The following DZIP1L variants were observed in gnomAD, a reference collection of about 807,000 sequenced individuals.
DZIP1L encodes DAZ interacting zinc finger protein 1 like.
DZIP1L carries 90 observed loss-of-function variants against 88.7 expected under a neutral mutation model. That is an observed-to-expected ratio of 1.02 (90% confidence interval 0.86 to 1.21). The LOEUF (loss-of-function observed/expected upper bound fraction) is 1.21. Among genes scored for constraint, DZIP1L ranks in the 50% most tolerant of loss-of-function variants. The probability of loss-of-function intolerance (pLI) is 0.00; values close to 1 mark genes in which losing one functional copy is unlikely to be tolerated. For missense variants in DZIP1L, 932 were observed against 955.8 expected, an observed-to-expected ratio of 0.98 and a Z score of 0.33; for synonymous variants, 363 against 372.1, an observed-to-expected ratio of 0.98 and a Z score of 0.28.
chr3:138,111,644 T>C (rs947717831), intron 1 of DZIP1L, among the ~76,000 whole-genome samples: 1 of 152,188 alleles, frequency 6.6e-6, no homozygotes, highest in Non-Finnish European at 1.5e-5. Flanking sequence ...ATTACTCATG[T>C]CTTTTTCTAG....
At chr3:138,078,132 A>G (rs571474049) in intron 10 of DZIP1L, among the ~76,000 whole-genome samples, 1 of 152,340 alleles carries the variant, frequency 6.6e-6, no homozygotes, top group East Asian at 1.9e-4. Flanking sequence ...TAAGCCACAG[A>G]CTATACTTTA....
At chr3:138,074,846 T>C (rs1943331876) in intron 11 of DZIP1L, among the ~76,000 whole-genome samples, 3 of 151,876 alleles carry the variant, frequency 2.0e-5, no homozygotes, top group African/African-American at 7.3e-5. Context: ...ACTTAAAAGA[T>C]ACAGAATGGC....
At chr3:138,090,687 GA>G (rs1366029905) in intron 5 of DZIP1L, among the ~76,000 whole-genome samples, 2 of 151,614 alleles carry the variant, frequency 1.3e-5, no homozygotes, top group African/African-American at 2.4e-5. Flanking sequence ...ATTTCCTTTT[GA>G]AAAAAAATTT....
At chr3:138,113,463 G>GCAAT (rs2042648790) in intron 1 of DZIP1L, 1 of 152,192 alleles carries the variant, frequency 6.6e-6, no homozygotes. Context: ...TGGCTGCCAG[G>GCAAT]CAATCATTTA....
chr3:138,088,749 A>C lies in DZIP1L; in HGVS notation c.871-242T>G, dbSNP rs1016439888. On this transcript the variant is annotated intron_variant, in intron 5 of 15. Coordinates refer to ENST00000327532, the MANE Select transcript of DZIP1L (RefSeq NM_173543.3). ...CATGGAAGAACAAATTAAAGAGTGT[A>C]GTTTCCATTTCACTTAAATTCTGCT... The C allele has an allele frequency of 4.3e-6, 5 of 1,173,818 alleles. No individual in the cohort carries two copies. In the African/African-American group the frequency reaches 7.9e-5, roughly 19 times the overall value. The allele number at this position is 1,173,818 out of a possible 1,614,324, so 72.7% of individuals were successfully genotyped here. A position where few individuals can be genotyped will look rare whatever the true frequency, so the allele number is the denominator to read the frequency against.
chr3:138,103,384 C>A (rs1332703710), intron 2 of DZIP1L, 87 bp downstream of exon 2: 3 of 1,439,396 alleles, frequency 2.1e-6, no homozygotes, highest in Admixed American at 2.0e-5. Context: ...CCTTAAGGTC[C>A]CAGCAGTGCT....
Position 138,080,468 on chromosome 3 carries a change from G to A in DZIP1L, c.1288+99C>T, listed in dbSNP as rs376477728. 143 of 1,331,422 alleles carry A rather than the reference G, an allele frequency of 1.1e-4. 3 individuals carry two copies. In the South Asian group the frequency reaches 1.6e-3, roughly 15 times the overall value. The allele number at this position is 1,331,422 out of a possible 1,614,324, so 82.5% of individuals were successfully genotyped here. A position where few individuals can be genotyped will look rare whatever the true frequency, so the allele number is the denominator to read the frequency against. On this transcript the variant is annotated intron_variant, in intron 10 of 15. Coordinates refer to ENST00000327532, the MANE Select transcript of DZIP1L (RefSeq NM_173543.3). ...CCTTAGATCCCTCCACTCCAGCTTC[G>A]GATGTCCAGATACAGTTAAGTAGAG... is the stretch of plus-strand genomic sequence containing the variant.
At chr3:138,109,153 G>A (rs756676636) in intron 1 of DZIP1L, among the ~76,000 whole-genome samples, 1 of 152,200 alleles carries the variant, frequency 6.6e-6, no homozygotes, top group South Asian at 2.1e-4. Context: ...GCTTCCAAAA[G>A]TACCTCTCTA....
chr3:138,097,141 C>T (rs1944514940), intron 3 of DZIP1L, among the ~76,000 whole-genome samples: 1 of 151,132 alleles, frequency 6.6e-6, no homozygotes, highest in Admixed American at 6.6e-5. Flanking sequence ...GAGATCAAGC[C>T]ACTGCACTCC....
At chr3:138,111,039 T>C (rs1377392656) in intron 1 of DZIP1L, among the ~76,000 whole-genome samples, 1 of 152,140 alleles carries the variant, frequency 6.6e-6, no homozygotes, top group African/African-American at 2.4e-5. Flanking sequence ...GAAGGGCCCA[T>C]ACCAGGATGC....
Position 138,071,751 on chromosome 3 carries a change from A to G in DZIP1L, c.1507T>C (p.Ser503Pro), listed in dbSNP as rs1669361177. 1 of 1,614,184 alleles carries G rather than the reference A, an allele frequency of 6.2e-7. No homozygotes were observed. Among genetic ancestry groups the G allele is most frequent in the Non-Finnish European group, 8.5e-7 (1 of 1,180,036 alleles). Residue 503 changes from serine to proline, a missense_variant, in exon 12 of 16, where the codon TCT (serine) becomes CCT (proline). By Grantham distance (74) the Ser-to-Pro change is moderately conservative. Coordinates refer to ENST00000327532, the MANE Select transcript of DZIP1L (RefSeq NM_173543.3). ...TTTCCCCTCAGACTCAGAAATTCAGAAAACTTCCGGGCCTTCTGCTCCCGC... is the reference window on the plus strand; with the variant it reads ...TTTCCCCTCAGACTCAGAAATTCAGGAAACTTCCGGGCCTTCTGCTCCCGC... The part of the protein sequence containing the change: ...VQREQKARKF[S>P]EFLSLRGKLV...
At position 138,064,752 on chromosome 3, in the gene DZIP1L, G is replaced by T; in HGVS notation, c.2018C>A (p.Ser673Ter). 3 of 1,585,660 alleles carry T rather than the reference G, an allele frequency of 1.9e-6. No homozygotes were observed. The highest frequency in any genetic ancestry group is 2.6e-6 in the Non-Finnish European group (3 of 1,168,596). ...PGQGSGTLVQ[S>*]MVKNLEKQLE... ...CTGCTTCTCCAGGTTTTTGACCATC[G>T]ACTGCACCAGTGTTCCTGGAAGGTG... Residue 673 changes from serine to a stop codon, truncating the protein, a stop_gained, in exon 15 of 16, where the codon TCG becomes TAG. Coordinates refer to ENST00000327532, the MANE Select transcript of DZIP1L (RefSeq NM_173543.3). LOFTEE classifies it high-confidence loss of function.
chr3:138,067,286 A>T (rs1477399104), intron 14 of DZIP1L, among the ~76,000 whole-genome samples: 1 of 152,218 alleles, frequency 6.6e-6, no homozygotes, highest in East Asian at 1.9e-4. Flanking sequence ...TAACAATTTA[A>T]TGACAAAACA....
chr3:138,103,675 G>A lies in DZIP1L; in HGVS notation c.297C>T (p.His99=). Residue 99 remains histidine, a synonymous_variant, in exon 2 of 16, where the codon CAC becomes CAT. Coordinates refer to ENST00000327532, the MANE Select transcript of DZIP1L (RefSeq NM_173543.3). Reference sequence around the variant, plus strand: ...CACTGGCACTCAGGCAATCCTGGCAGTGCAGCAGGTACTCAATGATGAGCT... The same window carrying A: ...CACTGGCACTCAGGCAATCCTGGCAATGCAGCAGGTACTCAATGATGAGCT... ...LAQLIIEYLL[H]CQDCLSASVA... is the part of the protein sequence containing the mutation. 6.2e-7 allele frequency: 1 copy of A among 1,610,466 alleles called. No individual in the cohort carries two copies. The highest frequency in any genetic ancestry group is 1.3e-5 in the African/African-American group (1 of 75,050).
chr3:138,067,734 T>C, intron 13 of DZIP1L, 34 bp from the exon 14 acceptor site: 2 of 1,518,546 alleles, frequency 1.3e-6, no homozygotes, highest in East Asian at 2.5e-5. Flanking sequence ...GAGGGATGCA[T>C]GGGCCAGAAA....
chr3:138,078,881 G>A (rs529745883), intron 10 of DZIP1L, among the ~76,000 whole-genome samples: 18 of 152,186 alleles, frequency 1.2e-4, no homozygotes, highest in Non-Finnish European at 2.6e-4. Flanking sequence ...GGTGTAGCGT[G>A]GTCCTCCAGA....
chr3:138,068,027 C>T, intron 13 of DZIP1L, 124 bp downstream of exon 13: 1 of 904,254 alleles, frequency 1.1e-6, no homozygotes, highest in Non-Finnish European at 1.5e-6. Flanking sequence ...CCTGAGGCAC[C>T]TTCTATTCAC....
chr3:138,072,857 G>A (rs770794662), intron 11 of DZIP1L, among the ~76,000 whole-genome samples: 9 of 152,146 alleles, frequency 5.9e-5, no homozygotes, highest in South Asian at 2.1e-4. Context: ...CTTTAGGACC[G>A]CAGGCTGCGT....
intron 2 of DZIP1L, chr3:138,101,446 A>T: frequency 1.4e-6 from 1 of 729,436 alleles, no homozygotes. Flanking sequence ...CAGCCGCAGG[A>T]GGGGCAGGCT....
Sources: gnomAD v4.1 joint callset for allele counts (sites outside exome capture counted in the v4.1 genomes callset) on GRCh38, gnomAD v4.1.1 for gene constraint, MANE v1.5 for transcripts, NCBI Gene and HGNC (gene_info 2026-07-23, HGNC 2026-07-21) for gene names.